The following SPOCK3 variants were observed in gnomAD, a reference collection of about 807,000 sequenced individuals.
SPOCK3 encodes testican-3.
In SPOCK3, 30 loss-of-function variants were observed where a neutral mutation model predicts 56.6. The ratio of observed to expected loss-of-function variants is 0.53; its 90% CI spans 0.40 to 0.72. The LOEUF (loss-of-function observed/expected upper bound fraction) is 0.72. Ranked by LOEUF, SPOCK3 falls within the 30% of genes least tolerant of loss-of-function variation. The pLI is 0.00. For missense variants in SPOCK3, 527 were observed against 530.0 expected (o/e 0.99, Z 0.06); for synonymous variants, 196 against 183.3 (o/e 1.07, Z -0.56).
intron 6 of SPOCK3, among the ~76,000 whole-genome samples, chr4:166,866,340 C>T (rs7440880): frequency 6.6e-6 from 1 of 152,088 alleles, no homozygotes. Context: ...AGAAGAAAAC[C>T]TAGGCAATAC....
intron 2 of SPOCK3, among the ~76,000 whole-genome samples, chr4:167,169,906 G>A (rs759384755): frequency 5.9e-5 from 9 of 152,044 alleles, no homozygotes; most frequent in Non-Finnish European, 1.3e-4. Context: ...TTATAAATGG[G>A]AGTTCCTCTG....
chr4:166,802,626 C>A (rs1027386331), intron 6 of SPOCK3, among the ~76,000 whole-genome samples: 1 of 152,046 alleles, frequency 6.6e-6, no homozygotes, highest in Non-Finnish European at 1.5e-5. Context: ...CCCACAGGTC[C>A]CACCTCCTGG....
intron 4 of SPOCK3, among the ~76,000 whole-genome samples, chr4:166,940,247 A>G (rs1740892015): frequency 6.6e-6 from 1 of 152,162 alleles, no homozygotes. Flanking sequence ...AATATCTAGA[A>G]ATTACCTTTT....
At chr4:167,015,880 G>T (rs572217296) in intron 3 of SPOCK3, among the ~76,000 whole-genome samples, 15 of 152,162 alleles carry the variant, frequency 9.9e-5, no homozygotes, top group African/African-American at 3.6e-4. Flanking sequence ...ATTTACTAAA[G>T]AACTGCATCT....
In SPOCK3 at chr4:166,898,229, G is replaced by A. The variant is rs539172140; in HGVS notation, c.475-8985C>T. On this transcript the variant is annotated intron_variant, in intron 5 of 10. Transcript: ENST00000357545. ...AGAAAAAAAAATATTTTTCATGTCTGGACAGTAGGTTTGGCTCAAACTGTT... is the reference window on the plus strand; with the variant it reads ...AGAAAAAAAAATATTTTTCATGTCTAGACAGTAGGTTTGGCTCAAACTGTT... Among the ~76,000 whole-genome samples, 19 of 152,084 alleles carry A rather than the reference G, an allele frequency of 1.2e-4. 1 individual carries two copies. The highest frequency in any genetic ancestry group is 4.3e-4 in the African/African-American group (18 of 41,498).
intron 4 of SPOCK3, among the ~76,000 whole-genome samples, chr4:166,971,157 G>A (rs1217289986): frequency 6.6e-6 from 1 of 152,186 alleles, no homozygotes; most frequent in Non-Finnish European, 1.5e-5. Context: ...TGCAAGATGT[G>A]ACACAGAGAA....
intron 6 of SPOCK3, among the ~76,000 whole-genome samples, chr4:166,819,903 G>A (rs541412996): frequency 3.5e-4 from 53 of 151,916 alleles, no homozygotes; most frequent in African/African-American, 1.1e-3. Flanking sequence ...ATAATTTTTC[G>A]TAGAGACAGA....
chr4:166,743,695 C>T (rs190740258), intron 8 of SPOCK3, among the ~76,000 whole-genome samples: 3 of 152,210 alleles, frequency 2.0e-5, no homozygotes, highest in Non-Finnish European at 4.4e-5. Context: ...GGGGAATTCC[C>T]TTTCCCAGCC....
intron 2 of SPOCK3, among the ~76,000 whole-genome samples, chr4:167,065,398 A>G (rs968378152): frequency 3.3e-5 from 5 of 151,890 alleles, no homozygotes; most frequent in East Asian, 3.9e-4. Flanking sequence ...AAAGAATATA[A>G]TTTTAAAATC....
intron 3 of SPOCK3, among the ~76,000 whole-genome samples, chr4:167,025,730 T>A (rs559680341): frequency 6.6e-6 from 1 of 152,120 alleles, no homozygotes; most frequent in East Asian, 1.9e-4. Flanking sequence ...ACCTCTTTAA[T>A]CATTCTTACA....
At chr4:167,132,545 G>C (rs1254045322) in intron 2 of SPOCK3, among the ~76,000 whole-genome samples, 1 of 152,114 alleles carries the variant, frequency 6.6e-6, no homozygotes, top group African/African-American at 2.4e-5. Flanking sequence ...GGATATTTCT[G>C]AACTTTGAAA....
rs1560926671 is a variant in SPOCK3 at position 166,847,663 on chromosome 4, A to ATATATATATATATATATATATATATATC, written c.589+41466_589+41467insGATATATATATATATATATATATATATA. On this transcript the variant is annotated intron_variant, in intron 6 of 10. Transcript: ENST00000357545. ...AATCCTAGTTTATATATATATATAT[A>ATATATATATATATATATATATATATATC]TATATATATATATATATAAGAATCA... is the stretch of plus-strand genomic sequence containing the variant. 8.1e-5 allele frequency among the ~76,000 whole-genome samples: 8 copies of ATATATATATATATATATATATATATATC among 98,324 alleles called. No individual in the cohort carries two copies. The East Asian group carries it at 2.1e-3, about 26-fold the overall frequency. 64.5% of individuals were successfully genotyped at this position (98,324 alleles called of 152,430 possible).
chr4:166,842,218 G>A (rs6829373), intron 6 of SPOCK3, among the ~76,000 whole-genome samples: 114,619 of 152,092 alleles, frequency 0.75, 43,172 homozygotes, highest in East Asian at 0.82. Flanking sequence ...AAGCTTCCAC[G>A]GTGAGGAAGA....
At chr4:167,213,420 G>T (rs568157577) in intron 2 of SPOCK3, among the ~76,000 whole-genome samples, 7 of 151,966 alleles carry the variant, frequency 4.6e-5, no homozygotes, top group Non-Finnish European at 1.0e-4. Context: ...GTCACAAATT[G>T]CATTAATGAT....
intron 4 of SPOCK3, among the ~76,000 whole-genome samples, chr4:166,922,857 CTG>C (rs767889881): frequency 3.3e-5 from 5 of 152,298 alleles, no homozygotes; most frequent in African/African-American, 9.6e-5. Context: ...ATTCTGACCT[CTG>C]TGCAATTTGC....
At chr4:167,073,062 TTCC>T (rs1259281355) in intron 2 of SPOCK3, among the ~76,000 whole-genome samples, 1 of 151,728 alleles carries the variant, frequency 6.6e-6, no homozygotes, top group African/African-American at 2.4e-5. Context: ...AAATTTATGT[TTCC>T]ATATGTGCAA....
chr4:167,196,792 G>A (rs1022247660), intron 2 of SPOCK3, among the ~76,000 whole-genome samples: 4 of 152,028 alleles, frequency 2.6e-5, no homozygotes, highest in African/African-American at 7.2e-5. Flanking sequence ...ACTCACAGTT[G>A]TCAGATGGTC....
At chr4:166,778,081 C>T (rs904441854) in intron 7 of SPOCK3, among the ~76,000 whole-genome samples, 3 of 152,128 alleles carry the variant, frequency 2.0e-5, no homozygotes, top group Non-Finnish European at 4.4e-5. Context: ...GCACCAGAGG[C>T]CTACAAGACA....
At chr4:167,090,753 T>C (rs975645147) in intron 2 of SPOCK3, among the ~76,000 whole-genome samples, 3 of 152,166 alleles carry the variant, frequency 2.0e-5, no homozygotes, top group Admixed American at 6.5e-5. Context: ...TCCACCCACC[T>C]CGTCCTCCCA....
Sources: allele counts gnomAD v4.1 joint callset (sites outside exome capture counted in the v4.1 genomes callset), GRCh38; gene constraint gnomAD v4.1.1; transcripts MANE v1.5; gene names NCBI Gene and HGNC (gene_info 2026-07-23, HGNC 2026-07-21).